Variants in ESR2 observed in about 807,000 individuals in gnomAD.
The protein encoded by ESR2 is estrogen receptor beta.
A neutral mutation model predicts 49.6 loss-of-function variants in ESR2; 36 were observed. That is an observed-to-expected ratio of 0.73 (90% CI 0.56 to 0.96). The LOEUF (loss-of-function observed/expected upper bound fraction) is 0.96. ESR2 is among the 40% of genes least tolerant of loss of function. The pLI is 0.00. For synonymous variants in ESR2, 320 were observed against 266.1 expected, an observed-to-expected ratio of 1.20 and a Z score of -1.97; for missense variants, 714 against 693.0, an observed-to-expected ratio of 1.03 and a Z score of -0.34.
At chr14:64,239,854 G>T (rs942511398) in intron 7 of ESR2, among the ~76,000 whole-genome samples, 6 of 152,156 alleles carry the variant, frequency 3.9e-5, no homozygotes, top group African/African-American at 1.4e-4. Flanking sequence ...GAATGTTGTG[G>T]TCCTTTCCCT....
chr14:64,270,797 A>C (rs1397862062), intron 3 of ESR2, among the ~76,000 whole-genome samples: 1 of 152,248 alleles, frequency 6.6e-6, no homozygotes, highest in African/African-American at 2.4e-5. Flanking sequence ...GGCGTGAGCC[A>C]CCACAGCTGG....
intron 7 of ESR2, among the ~76,000 whole-genome samples, chr14:64,235,856 A>C (rs1351222678): frequency 4.6e-5 from 7 of 152,018 alleles, no homozygotes; most frequent in Admixed American, 4.6e-4. Flanking sequence ...CCCTGTGTTT[A>C]ACTCCCCTCC....
At chr14:64,257,132 G>A in intron 6 of ESR2, 94 bp downstream of exon 6, 1 of 1,173,272 alleles carries the variant, frequency 8.5e-7, no homozygotes, top group Non-Finnish European at 1.3e-6. Flanking sequence ...CTGCAAGTGT[G>A]AGATTTTAAT....
In ESR2 at chr14:64,280,122, G is replaced by C. The variant is rs145711407; in HGVS notation, c.394C>G (p.Arg132Gly). ...GGACCAGTAACAGGGCTGGCGCAAC[G>C]GTTCCCACTAACCTTCCTTTTCAGT... ...ETLKRKVSGNRCASPVTGPGS... is the reference protein window; with the variant it reads ...ETLKRKVSGNGCASPVTGPGS... Residue 132 changes from arginine to glycine, a missense_variant, in exon 3 of 9, where the codon CGT becomes GGT. Physicochemically the swap from Arg to Gly is moderately radical, Grantham distance 125. Transcript: ENST00000341099. 9.7e-5 allele frequency: 156 copies of C among 1,613,948 alleles called. 2 individuals carry two copies. The South Asian group carries it at 1.5e-3, about 16-fold the overall frequency.
intron 7 of ESR2, among the ~76,000 whole-genome samples, chr14:64,243,326 C>T (rs753180062): frequency 7.2e-5 from 11 of 152,290 alleles, no homozygotes; most frequent in Non-Finnish European, 1.2e-4. Flanking sequence ...TCACTGATTA[C>T]AGATCACTGT....
chr14:64,233,055 G>A lies in ESR2; in HGVS notation c.*82C>T, dbSNP rs2140605757. On this transcript the variant is annotated 3_prime_UTR_variant, in exon 9 of 9. Coordinates refer to ENST00000341099, the MANE Select transcript of ESR2 (RefSeq NM_001437.3). ...CAAATGAGGGACCACACAGCAGAAA[G>A]ATGAAGCCCAGGCTCCTGACACACT... The A allele has an allele frequency of 6.5e-7, 1 of 1,537,314 alleles. No individual in the cohort carries two copies. The highest frequency in any genetic ancestry group is 8.8e-7 in the Non-Finnish European group (1 of 1,139,650).
chr14:64,310,902 T>C (rs530097172), intron 1 of ESR2, among the ~76,000 whole-genome samples: 2 of 152,306 alleles, frequency 1.3e-5, no homozygotes, highest in East Asian at 3.9e-4. Flanking sequence ...CAAAATATCA[T>C]TTATATCTCA....
chr14:64,251,766 G>T (rs2075993834), intron 6 of ESR2, among the ~76,000 whole-genome samples: 1 of 152,040 alleles, frequency 6.6e-6, no homozygotes, highest in Non-Finnish European at 1.5e-5. Flanking sequence ...TCAAGGGGTG[G>T]CAAAGTTAGA....
At chr14:64,287,414 T>C (rs751446808) in intron 1 of ESR2, among the ~76,000 whole-genome samples, 4 of 152,234 alleles carry the variant, frequency 2.6e-5, no homozygotes, top group Non-Finnish European at 5.9e-5. Flanking sequence ...AATCAACTTC[T>C]GTAGAATTTC....
intron 1 of ESR2, among the ~76,000 whole-genome samples, chr14:64,321,831 T>A (rs117386374): frequency 0.057 from 8,704 of 152,186 alleles, 355 homozygotes; most frequent in Non-Finnish European, 0.082. Flanking sequence ...ATACCACATG[T>A]TCTCACTTAT....
At chr14:64,334,901 G>A (rs967053954) in intron 1 of ESR2, among the ~76,000 whole-genome samples, 3 of 152,298 alleles carry the variant, frequency 2.0e-5, no homozygotes, top group Admixed American at 6.5e-5. Flanking sequence ...GCCTGCCTCG[G>A]CCACCCAAAG....
chr14:64,251,346 A>G (rs1462062309), intron 6 of ESR2, among the ~76,000 whole-genome samples: 1 of 151,054 alleles, frequency 6.6e-6, no homozygotes, highest in Non-Finnish European at 1.5e-5. Context: ...CAACTCCTGC[A>G]TTGATATTTG....
chr14:64,332,763 G>A (rs565203466), intron 1 of ESR2, among the ~76,000 whole-genome samples: 48 of 144,892 alleles, frequency 3.3e-4, no homozygotes. Flanking sequence ...TCGCACCACT[G>A]CACTCCAGCC....
rs1359517503 is a variant in ESR2 at position 64,268,797 on chromosome 14, C to G, written c.650G>C (p.Cys217Ser). 4.4e-6 allele frequency: 7 copies of G among 1,599,148 alleles called. No homozygotes were observed. Among genetic ancestry groups the G allele is most frequent in the Non-Finnish European group, 6.0e-6 (7 of 1,166,656 alleles). ...TAAGAAGGGAAGCAAGCACTCACCACACTTCACCATTCCCACTTCGTAACA... is the reference window on the plus strand; with the variant it reads ...TAAGAAGGGAAGCAAGCACTCACCAGACTTCACCATTCCCACTTCGTAACA... ...RKCYEVGMVK[C>S]GSRRERCGYR... Residue 217 changes from cysteine (C) to serine (S), a missense_variant and splice_region_variant, in exon 4 of 9, where the codon TGT (cysteine) becomes TCT (serine). Transcript: ENST00000341099.
In ESR2 at chr14:64,280,010, C is replaced by T; in HGVS notation, c.506G>A (p.Cys169Tyr). The T allele has an allele frequency of 6.2e-7, 1 of 1,614,180 alleles. No homozygotes were observed. Among genetic ancestry groups the T allele is most frequent in the Non-Finnish European group, 8.5e-7 (1 of 1,180,014 alleles). ...YHYGVWSCEG[C>Y]KAFFKRSIQG... ...AATGCTTCTTTTAAAAAAGGCCTTA[C>T]ATCCTTCACACGACCAGACTCCATA... Residue 169 changes from cysteine (C) to tyrosine (Y), a missense_variant, in exon 3 of 9, where the codon TGT (cysteine) becomes TAT (tyrosine). Physicochemically the swap from Cys to Tyr is radical, Grantham distance 194. Transcript: ENST00000341099.
intron 6 of ESR2, among the ~76,000 whole-genome samples, chr14:64,252,416 A>G (rs912649848): frequency 1.3e-5 from 2 of 152,222 alleles, no homozygotes; most frequent in African/African-American, 4.8e-5. Flanking sequence ...ATTTTTGCAC[A>G]CTATCTGTCC....
chr14:64,269,380 C>A (rs1268641928), intron 3 of ESR2, among the ~76,000 whole-genome samples: 1 of 152,164 alleles, frequency 6.6e-6, no homozygotes, highest in East Asian at 1.9e-4. Context: ...AATTAGCAAT[C>A]TAAATAATGA....
chr14:64,265,139 G>A (rs967144539), intron 4 of ESR2, among the ~76,000 whole-genome samples: 1 of 152,138 alleles, frequency 6.6e-6, no homozygotes, highest in Admixed American at 6.5e-5. Flanking sequence ...TTTCTATCAA[G>A]GATGTTTCTA....
At chr14:64,306,821 C>A (rs1212745323) in intron 1 of ESR2, among the ~76,000 whole-genome samples, 2 of 152,162 alleles carry the variant, frequency 1.3e-5, no homozygotes, top group African/African-American at 2.4e-5. Flanking sequence ...CATTGGCTTC[C>A]ATTTTCTGAA....
Sources: gnomAD v4.1 joint callset for allele counts (sites outside exome capture counted in the v4.1 genomes callset) on GRCh38, gnomAD v4.1.1 for gene constraint, MANE v1.5 for transcripts, NCBI Gene and HGNC (gene_info 2026-07-23, HGNC 2026-07-21) for gene names.